INPP5B: variants seen among roughly 807,000 people sequenced by gnomAD.
INPP5B encodes the protein type II inositol 1,4,5-trisphosphate 5-phosphatase.
In INPP5B, 90 loss-of-function variants were observed where a neutral mutation model predicts 118.5. The observed-to-expected ratio is 0.76, with a 90% CI of 0.64 to 0.90. The LOEUF is 0.90. INPP5B is among the 40% of genes least tolerant of loss of function. INPP5B has a pLI of 0.00. For missense variants in INPP5B, 984 were observed against 1,125.6 expected (o/e 0.87, Z 1.80); for synonymous variants, 385 against 418.9 (o/e 0.92, Z 0.99).
At chr1:37,865,570 G>A (rs1180140369) in intron 22 of INPP5B, among the ~76,000 whole-genome samples, 191 bp downstream of exon 22, 5 of 152,134 alleles carry the variant, frequency 3.3e-5, no homozygotes, top group South Asian at 2.1e-4. Flanking sequence ...CTCAGGTTTC[G>A]GGGTTGACTC....
chr1:37,912,734 T>C (rs935318287), intron 7 of INPP5B, among the ~76,000 whole-genome samples: 3 of 152,128 alleles, frequency 2.0e-5, no homozygotes, highest in Admixed American at 6.6e-5. Flanking sequence ...CCTCCGATAC[T>C]TTTACCCTGA....
intron 17 of INPP5B, 40 bp downstream of exon 17, chr1:37,875,566 C>A (rs1642742772): frequency 1.3e-6 from 2 of 1,525,056 alleles, no homozygotes; most frequent in Non-Finnish European, 1.8e-6. Context: ...CTGCACCCGG[C>A]CTGAGCCCAA....
At chr1:37,927,813 A>G (rs1323255962) in intron 7 of INPP5B, among the ~76,000 whole-genome samples, 1 of 152,200 alleles carries the variant, frequency 6.6e-6, no homozygotes, top group Non-Finnish European at 1.5e-5. Context: ...CAGGGATTAC[A>G]GGCGTGAGCC....
At chr1:37,876,711 A>AG (rs1177217580) in intron 16 of INPP5B, among the ~76,000 whole-genome samples, 1 of 148,152 alleles carries the variant, frequency 6.7e-6, no homozygotes, top group Non-Finnish European at 1.5e-5. Context: ...TACAAAAAAA[A>AG]AAAAAAAAAA....
At chr1:37,945,264 T>C (rs1270091884) in intron 3 of INPP5B, among the ~76,000 whole-genome samples, 1 of 152,082 alleles carries the variant, frequency 6.6e-6, no homozygotes, top group Admixed American at 6.6e-5. Context: ...AACCCTGTCT[T>C]TACTAAAAAT....
chr1:37,939,309 A>G (rs1645822270), intron 6 of INPP5B, among the ~76,000 whole-genome samples: 1 of 151,680 alleles, frequency 6.6e-6, no homozygotes, highest in South Asian at 2.1e-4. Context: ...CATTGCAGTG[A>G]GCCGAGATCG....
chr1:37,912,311 C>A (rs745820601), intron 7 of INPP5B, among the ~76,000 whole-genome samples: 2 of 152,182 alleles, frequency 1.3e-5, no homozygotes, highest in African/African-American at 4.8e-5. Context: ...TAAAGCTGTG[C>A]CCGTCAAACA....
At chr1:37,867,373 A>G (rs1051338271) in intron 20 of INPP5B, among the ~76,000 whole-genome samples, 1 of 152,246 alleles carries the variant, frequency 6.6e-6, no homozygotes, top group Non-Finnish European at 1.5e-5. Context: ...TCCATTTGAA[A>G]GGAGTGCTAC....
chr1:37,940,765 T>A lies in INPP5B; in HGVS notation c.314A>T (p.Glu105Val), dbSNP rs767030227. The A allele has an allele frequency of 1.2e-6, 2 of 1,613,920 alleles. No individual in the cohort carries two copies. Among genetic ancestry groups the A allele is most frequent in the Admixed American group, 3.3e-5 (2 of 60,016 alleles). ...GGGCAGTTGGAATACGAGGCTAAGC[T>A]CTGCTGTGTCCAGCTGGACGGTCAC... is the stretch of plus-strand genomic sequence containing the variant. ...SDVTVQLDTA[E>V]LSLVFQLPFG... Residue 105 changes from glutamate (E) to valine (V), a missense_variant, in exon 6 of 24, where the codon GAG becomes GTG. By Grantham distance (121) the Glu-to-Val change is moderately radical. Coordinates refer to ENST00000373024, the MANE Select transcript of INPP5B (RefSeq NM_005540.3).
At chr1:37,894,708 C>T (rs1367663466) in intron 7 of INPP5B, among the ~76,000 whole-genome samples, 1 of 151,944 alleles carries the variant, frequency 6.6e-6, no homozygotes, top group Non-Finnish European at 1.5e-5. Flanking sequence ...ATTAGAGACA[C>T]GCAACACCAC....
At position 37,887,407 on chromosome 1, in the gene INPP5B, C is replaced by T. The variant is rs180931550; in HGVS notation, c.958G>A (p.Glu320Lys). Residue 320 changes from glutamate (E) to lysine (K), a missense_variant, in exon 11 of 24, where the codon GAA becomes AAA. By Grantham distance (56) the Glu-to-Lys change is moderately conservative. Coordinates refer to ENST00000373024, the MANE Select transcript of INPP5B (RefSeq NM_005540.3). ...TCTGACACAGCTTTGAACCACTCTTCCTCCTTTGGGGTATCGTGAAAGAAA... is the reference window on the plus strand; with the variant it reads ...TCTGACACAGCTTTGAACCACTCTTTCTCCTTTGGGGTATCGTGAAAGAAA... ...AFFFHDTPKEEEWFKAVSEGL... is the reference protein window; with the variant it reads ...AFFFHDTPKEKEWFKAVSEGL... The T allele has an allele frequency of 6.2e-7, 1 of 1,613,998 alleles. No homozygotes were observed. Among genetic ancestry groups the T allele is most frequent in the East Asian group, 2.2e-5 (1 of 44,882 alleles).
At chr1:37,912,384 C>T (rs900359914) in intron 7 of INPP5B, among the ~76,000 whole-genome samples, 1 of 152,190 alleles carries the variant, frequency 6.6e-6, no homozygotes, top group African/African-American at 2.4e-5. Context: ...TTTCCTTAAA[C>T]TTATTTGCAT....
intron 5 of INPP5B, among the ~76,000 whole-genome samples, chr1:37,941,720 C>G (rs1342792770): frequency 1.3e-5 from 2 of 148,320 alleles, no homozygotes; most frequent in Non-Finnish European, 3.0e-5. Flanking sequence ...GGGCGGATCA[C>G]GAGGTCAGGA....
At chr1:37,913,509 A>T (rs1644770226) in intron 7 of INPP5B, among the ~76,000 whole-genome samples, 1 of 152,090 alleles carries the variant, frequency 6.6e-6, no homozygotes, top group African/African-American at 2.4e-5. Flanking sequence ...TCTTCCGTTT[A>T]GTTTCCCAAT....
rs747898014 is a variant in INPP5B, at chr1:37,931,960, C to A, written c.485G>T (p.Cys162Phe). The A allele has an allele frequency of 9.3e-6, 15 of 1,613,834 alleles. No individual in the cohort carries two copies. The East Asian group carries it at 2.7e-4, about 29-fold the overall frequency. Reference protein sequence around the residue: ...LELEMPTPRGCNSALVTWPGY... With the variant: ...LELEMPTPRGFNSALVTWPGY... ...TGGCCAGGTAACTAGGGCCGAGTTACAACCGCGCGGCGTTGGCATCTCCAG... is the reference window on the plus strand; with the variant it reads ...TGGCCAGGTAACTAGGGCCGAGTTAAAACCGCGCGGCGTTGGCATCTCCAG... Residue 162 changes from cysteine to phenylalanine, a missense_variant, in exon 7 of 24, where the codon TGT becomes TTT. Coordinates refer to ENST00000373024, the MANE Select transcript of INPP5B (RefSeq NM_005540.3).
At chr1:37,931,295 G>T in intron 7 of INPP5B, 1 of 563,928 alleles carries the variant, frequency 1.8e-6, no homozygotes, top group Non-Finnish European at 2.9e-6. Flanking sequence ...CGTAGGCAGG[G>T]CACCACTCCC....
At chr1:37,885,969 G>GA in intron 12 of INPP5B, 144 bp from the exon 13 acceptor site, 2 of 655,818 alleles carry the variant, frequency 3.0e-6, no homozygotes, top group Non-Finnish European at 5.3e-6. Context: ...CATGAGGTCA[G>GA]GAGTTCAAGA....
chr1:37,897,011 G>A (rs1280147067), intron 7 of INPP5B, among the ~76,000 whole-genome samples: 5 of 136,464 alleles, frequency 3.7e-5, no homozygotes, highest in South Asian at 2.4e-4. Flanking sequence ...CCGGCCAGCC[G>A]CCCCGTCCGG....
At chr1:37,932,488 C>T (rs975103776) in intron 6 of INPP5B, among the ~76,000 whole-genome samples, 1 of 151,640 alleles carries the variant, frequency 6.6e-6, no homozygotes, top group African/African-American at 2.4e-5. Flanking sequence ...CCTGCCTCAG[C>T]CTCCCGAGTA....
Sources: allele counts gnomAD v4.1 joint callset (sites outside exome capture counted in the v4.1 genomes callset), GRCh38; gene constraint gnomAD v4.1.1; transcripts MANE v1.5; gene names NCBI Gene and HGNC (gene_info 2026-07-23, HGNC 2026-07-21).